Variants in SGCZ observed in about 807,000 individuals in gnomAD.
SGCZ encodes the protein zeta-sarcoglycan.
Under a neutral mutation model 41.3 loss-of-function variants are expected in SGCZ, and 40 were observed. The observed-to-expected ratio is 0.97, with a 90% CI of 0.75 to 1.26. The LOEUF is 1.26. Among genes scored for constraint, SGCZ ranks in the 50% most tolerant of loss-of-function variants. The pLI is 0.00. For missense variants in SGCZ, 552 were observed against 369.8 expected, an observed-to-expected ratio of 1.49 and a Z score of -4.04; for synonymous variants, 206 against 137.5, an observed-to-expected ratio of 1.50 and a Z score of -3.49.
At chr8:14,194,077 A>G (rs1805190887) in intron 4 of SGCZ, among the ~76,000 whole-genome samples, 2 of 151,870 alleles carry the variant, frequency 1.3e-5, no homozygotes, top group Admixed American at 1.3e-4. Context: ...ATGGAAATAA[A>G]GAAACATTCT....
intron 2 of SGCZ, among the ~76,000 whole-genome samples, chr8:14,495,168 A>G (rs906056045): frequency 3.9e-5 from 6 of 152,192 alleles, no homozygotes; most frequent in African/African-American, 1.4e-4. Flanking sequence ...ATAAAGAGGA[A>G]TAAGAGTTCC....
chr8:15,102,455 T>A (rs1165073252), intron 1 of SGCZ, among the ~76,000 whole-genome samples: 1 of 152,194 alleles, frequency 6.6e-6, no homozygotes, highest in African/African-American at 2.4e-5. Context: ...TAAATGACAT[T>A]ATGCATTTGT....
chr8:14,381,361 C>T (rs1408701359), intron 2 of SGCZ, among the ~76,000 whole-genome samples: 1 of 152,136 alleles, frequency 6.6e-6, no homozygotes. Flanking sequence ...TATTCAGGTC[C>T]AGCCATCCTG....
At chr8:14,212,482 A>C (rs1805843892) in intron 4 of SGCZ, among the ~76,000 whole-genome samples, 1 of 151,782 alleles carries the variant, frequency 6.6e-6, no homozygotes, top group Non-Finnish European at 1.5e-5. Flanking sequence ...AAAAAAAAAA[A>C]AAAAAAAAGT....
rs67722353 is a variant in SGCZ, at chr8:14,784,053, GTTTTT to G, written c.40-229132_40-229128del. Reference sequence around the variant, plus strand: ...ATTTCAGATTGTAATTTAATTTAATGTTTTTTTTTTTTTTTGAGATAGGGTCGCTC... The same window carrying G: ...ATTTCAGATTGTAATTTAATTTAATGTTTTTTTTTTGAGATAGGGTCGCTC... On this transcript the variant is annotated intron_variant, in intron 1 of 7. Transcript: ENST00000382080. Among the ~76,000 whole-genome samples, 617 of 145,558 alleles carry G rather than the reference GTTTTT, an allele frequency of 4.2e-3. 6 individuals are homozygous for G. The highest frequency in any genetic ancestry group is 0.014 in the African/African-American group (540 of 38,922).
intron 6 of SGCZ, among the ~76,000 whole-genome samples, chr8:14,103,162 CA>C (rs1802087603): frequency 6.6e-6 from 1 of 151,952 alleles, no homozygotes; most frequent in South Asian, 2.1e-4. Context: ...TATACAAGTA[CA>C]AATGCGATTG....
chr8:14,648,872 C>T (rs942255856), intron 1 of SGCZ, among the ~76,000 whole-genome samples: 1 of 152,074 alleles, frequency 6.6e-6, no homozygotes, highest in Non-Finnish European at 1.5e-5. Flanking sequence ...TGGTGTTTTA[C>T]TGCTGGCATA....
chr8:14,266,099 A>G (rs1484384500), intron 3 of SGCZ, among the ~76,000 whole-genome samples: 1 of 152,138 alleles, frequency 6.6e-6, no homozygotes, highest in Non-Finnish European at 1.5e-5. Context: ...CTAAGGAAAC[A>G]TATGATTATC....
chr8:14,842,162 G>A (rs533588429), intron 1 of SGCZ, among the ~76,000 whole-genome samples: 1 of 152,046 alleles, frequency 6.6e-6, no homozygotes, highest in Non-Finnish European at 1.5e-5. Flanking sequence ...CTGCACATCA[G>A]GATAAATCTT....
intron 2 of SGCZ, among the ~76,000 whole-genome samples, chr8:14,521,570 C>T (rs1373223704): frequency 6.6e-6 from 1 of 152,132 alleles, no homozygotes; most frequent in Non-Finnish European, 1.5e-5. Context: ...AACATTTGAG[C>T]TGTTTCCAAA....
At chr8:14,092,910 A>G (rs1442935536) in intron 7 of SGCZ, among the ~76,000 whole-genome samples, 4 of 127,858 alleles carry the variant, frequency 3.1e-5, no homozygotes, top group Admixed American at 1.5e-4. Context: ...TGAAGTCTCC[A>G]TGAAACATAT....
chr8:15,013,683 C>A (rs1802917833), intron 1 of SGCZ, among the ~76,000 whole-genome samples: 1 of 152,112 alleles, frequency 6.6e-6, no homozygotes, highest in African/African-American at 2.4e-5. Context: ...TGCACTTGGA[C>A]AAATTACTTA....
At position 14,197,538 on chromosome 8, in the gene SGCZ, C is replaced by A. The variant is rs540484879; in HGVS notation, c.425-32836G>T. Among the ~76,000 whole-genome samples the A allele has an allele frequency of 1.7e-3, 256 of 151,766 alleles. 5 individuals carry two copies. In the South Asian group the frequency reaches 0.018, roughly 11 times the overall value. ...TACCAATATAGTTCATTAAATTATG[C>A]CAGATCAAATTAAAAAAAAACAAAT... On this transcript the variant is annotated intron_variant, in intron 4 of 7. Coordinates refer to ENST00000382080, the MANE Select transcript of SGCZ (RefSeq NM_139167.4).
At chr8:14,146,890 A>AAAAAAAAAAAAAATAATAATAAT (rs1182329393) in intron 5 of SGCZ, among the ~76,000 whole-genome samples, 1 of 116,186 alleles carries the variant, frequency 8.6e-6, no homozygotes, top group African/African-American at 3.6e-5. Context: ...AAAATAAAAA[A>AAAAAAAAAAAAAATAATAATAAT]AATAATAATA....
At chr8:14,530,439 A>G (rs1412366213) in intron 2 of SGCZ, among the ~76,000 whole-genome samples, 1 of 152,076 alleles carries the variant, frequency 6.6e-6, no homozygotes, top group Non-Finnish European at 1.5e-5. Flanking sequence ...TAATACTTTC[A>G]TTAGATTGAT....
chr8:14,493,736 G>A (rs750352963), intron 2 of SGCZ, among the ~76,000 whole-genome samples: 2 of 151,892 alleles, frequency 1.3e-5, no homozygotes, highest in African/African-American at 2.4e-5. Context: ...TCCCACCAAG[G>A]GAAGCCTTAC....
intron 3 of SGCZ, among the ~76,000 whole-genome samples, chr8:14,276,717 T>C (rs1800246628): frequency 6.6e-6 from 1 of 152,148 alleles, no homozygotes. Context: ...AAATTCAAAT[T>C]TGATGATTTA....
intron 4 of SGCZ, among the ~76,000 whole-genome samples, chr8:14,193,865 G>A (rs983857340): frequency 6.6e-6 from 1 of 151,618 alleles, no homozygotes; most frequent in Non-Finnish European, 1.5e-5. Context: ...CTCCTACCTT[G>A]AACATGTTTT....
chr8:14,792,094 C>T (rs1563272309), intron 1 of SGCZ, among the ~76,000 whole-genome samples: 1 of 152,150 alleles, frequency 6.6e-6, no homozygotes, highest in Non-Finnish European at 1.5e-5. Context: ...CAAAATTTGA[C>T]AGATTCTGTT....
Sources: gnomAD v4.1 joint callset for allele counts (sites outside exome capture counted in the v4.1 genomes callset) on GRCh38, gnomAD v4.1.1 for gene constraint, MANE v1.5 for transcripts, NCBI Gene and HGNC (gene_info 2026-07-23, HGNC 2026-07-21) for gene names.